Variants in FAAH2 observed in about 807,000 individuals in gnomAD.
FAAH2 encodes fatty acid amide hydrolase 2.
FAAH2 carries 60 observed loss-of-function variants against 36.9 expected under a neutral mutation model. That is an observed-to-expected ratio of 1.63 (90% CI 1.32 to 2.02). The LOEUF (loss-of-function observed/expected upper bound fraction) is 2.02. FAAH2 is among the 30% of genes most tolerant of loss of function. FAAH2 has a pLI of 0.00. For missense variants in FAAH2, 689 were observed against 397.5 expected (o/e 1.73, Z -6.23); for synonymous variants, 214 against 143.8 (o/e 1.49, Z -3.49).
intron 7 of FAAH2, among the ~76,000 whole-genome samples, chrX:57,398,090 C>T (rs761025078): frequency 3.6e-5 from 4 of 111,562 alleles, no homozygotes; most frequent in Non-Finnish European, 7.5e-5. Flanking sequence ...GTTCTTAATC[C>T]AGTCTATCAA....
chrX:57,394,457 G>A lies in FAAH2; in HGVS notation c.996+13428G>A. On this transcript the variant is annotated intron_variant, in intron 7 of 10. Coordinates refer to ENST00000374900, the MANE Select transcript of FAAH2 (RefSeq NM_174912.4). ...AATTACTCAAGCCAGCTTACCAATG[G>A]GCTTCGGTTTACAAGATCGTGATAT... is the stretch of plus-strand genomic sequence containing the variant. 8 of 1,200,181 alleles carry A rather than the reference G, an allele frequency of 6.7e-6. No homozygotes were observed. In the South Asian group the frequency reaches 1.4e-4, roughly 21 times the overall value.
the FAAH2 span, among the ~76,000 whole-genome samples, chrX:57,216,067 C>A: frequency 9.3e-6 from 1 of 107,934 alleles, no homozygotes; most frequent in East Asian, 2.9e-4. Flanking sequence ...AAATCAGAAA[C>A]GAAAATCCAT....
intron 7 of FAAH2, among the ~76,000 whole-genome samples, chrX:57,404,894 C>T (rs769658140): frequency 5.2e-4 from 58 of 111,985 alleles, no homozygotes; most frequent in African/African-American, 1.7e-3. Context: ...CGGCTAATGC[C>T]GGGAGTTCAG....
chrX:57,137,791 A>C, the FAAH2 span, among the ~76,000 whole-genome samples: 3 of 111,622 alleles, frequency 2.7e-5, no homozygotes. Flanking sequence ...GGAAACATAC[A>C]AATTAACATA....
At chrX:57,236,936 A>C in the FAAH2 span, among the ~76,000 whole-genome samples, 2 of 111,624 alleles carry the variant, frequency 1.8e-5, no homozygotes, top group Middle Eastern at 9.4e-3. Flanking sequence ...TGATCAGACT[A>C]ATGTTATGAA....
chrX:57,239,674 A>G, the FAAH2 span, among the ~76,000 whole-genome samples: 1 of 111,430 alleles, frequency 9.0e-6, no homozygotes, highest in Admixed American at 9.5e-5. Flanking sequence ...AGGAATGCCA[A>G]TTCTTTGTAG....
chrX:57,461,809 G>A (rs2147218227), intron 10 of FAAH2, among the ~76,000 whole-genome samples: 1 of 109,986 alleles, frequency 9.1e-6, no homozygotes, highest in African/African-American at 3.3e-5. Context: ...GAGCAGAATT[G>A]AAGGAGATAA....
chrX:57,409,738 C>T (rs5914100), intron 7 of FAAH2, among the ~76,000 whole-genome samples: 58,176 of 109,495 alleles, frequency 0.53, 13,717 homozygotes, highest in Non-Finnish European at 0.73. Flanking sequence ...TATGTTTCCA[C>T]TTGTTATGTC....
rs756826787 is a variant in FAAH2, at chrX:57,341,402, A to G, written c.742+12A>G. ...CAAGCCTTCTCCAGGTAATGTTAAT[A>G]TGATCAGAAGGGTGGTTCTACTTTT... On this transcript the variant is annotated intron_variant, in intron 5 of 10. Coordinates refer to ENST00000374900, the MANE Select transcript of FAAH2 (RefSeq NM_174912.4). The G allele has an allele frequency of 1.7e-6, 2 of 1,205,728 alleles. No homozygotes were observed. The highest frequency in any genetic ancestry group is 2.2e-6 in the Non-Finnish European group (2 of 892,938).
At chrX:57,128,445 T>C in the FAAH2 span, among the ~76,000 whole-genome samples, 1 of 111,643 alleles carries the variant, frequency 9.0e-6, no homozygotes, top group Non-Finnish European at 1.9e-5. Flanking sequence ...CAGCACTCTA[T>C]TCAAAGACAA....
intron 4 of FAAH2, among the ~76,000 whole-genome samples, chrX:57,338,153 G>A (rs1271041599): frequency 3.6e-5 from 4 of 111,568 alleles, no homozygotes; most frequent in Middle Eastern, 4.6e-3. Context: ...GGCTGAGTCT[G>A]AAAAGAGAGT....
chrX:57,314,894 A>G lies in FAAH2; in HGVS notation c.412+4165A>G, dbSNP rs772860511. Among the ~76,000 whole-genome samples the G allele has an allele frequency of 2.4e-4, 27 of 111,320 alleles. No homozygotes were observed. The South Asian group carries it at 9.9e-3, about 41-fold the overall frequency. ...ATGTGAACTACGATAATAAGAAAAA[A>G]TCAATTCCAAAGCCAGCAGAAGAAA... On this transcript the variant is annotated intron_variant, in intron 3 of 10. Coordinates refer to ENST00000374900, the MANE Select transcript of FAAH2 (RefSeq NM_174912.4).
the FAAH2 span, among the ~76,000 whole-genome samples, chrX:57,151,845 A>T: frequency 9.0e-6 from 1 of 110,640 alleles, no homozygotes; most frequent in Non-Finnish European, 1.9e-5. Flanking sequence ...TGCTTTTTAG[A>T]GTTTCCAGTT....
At position 57,448,616 on chromosome X, in the gene FAAH2, G is replaced by A; in HGVS notation, c.1321G>A (p.Asp441Asn). Reference sequence around the variant, plus strand: ...AGAAAGCCTGCGTAAAGAGCTGGTGGATATGCTAGGTGATGATGGTGTGTT... The same window carrying A: ...AGAAAGCCTGCGTAAAGAGCTGGTGAATATGCTAGGTGATGATGGTGTGTT... ...VEESLRKELV[D>N]MLGDDGVFLY... Residue 441 changes from aspartate (D) to asparagine (N), a missense_variant, in exon 10 of 11, where the codon GAT becomes AAT. Transcript: ENST00000374900. 5 of 1,211,305 alleles carry A rather than the reference G, an allele frequency of 4.1e-6. No individual in the cohort carries two copies. The highest frequency in any genetic ancestry group is 2.2e-5 in the Admixed American group (1 of 46,015).
intron 7 of FAAH2, among the ~76,000 whole-genome samples, chrX:57,415,464 G>A (rs1322356371): frequency 9.0e-6 from 1 of 111,602 alleles, no homozygotes; most frequent in Non-Finnish European, 1.9e-5. Context: ...CTTTACTTCT[G>A]CTTTAATTTT....
At chrX:57,471,148 G>T (rs1000843020) in intron 10 of FAAH2, among the ~76,000 whole-genome samples, 2 of 111,444 alleles carry the variant, frequency 1.8e-5, no homozygotes, top group South Asian at 3.8e-4. Flanking sequence ...CATACTGAAT[G>T]AGAAAAAACT....
At chrX:57,392,137 C>T (rs1427624225) in intron 7 of FAAH2, among the ~76,000 whole-genome samples, 1 of 111,491 alleles carries the variant, frequency 9.0e-6, no homozygotes, top group Non-Finnish European at 1.9e-5. Flanking sequence ...TATCGAAATG[C>T]TACTGACTTT....
At chrX:57,396,293 G>T (rs2055294134) in intron 7 of FAAH2, among the ~76,000 whole-genome samples, 1 of 107,600 alleles carries the variant, frequency 9.3e-6, no homozygotes, top group African/African-American at 3.4e-5. Context: ...TTTAATGATT[G>T]TATAATTATT....
At chrX:57,152,044 GCAGCAGTGGCTGCAGAA>G in the FAAH2 span, among the ~76,000 whole-genome samples, 1 of 112,012 alleles carries the variant, frequency 8.9e-6, no homozygotes, top group African/African-American at 3.2e-5. Context: ...CTGGGTATCA[GCAGCAGTGGCTGCAGAA>G]CAGCAGTGGC....
Sources: allele counts gnomAD v4.1 joint callset (sites outside exome capture counted in the v4.1 genomes callset), GRCh38; gene constraint gnomAD v4.1.1; transcripts MANE v1.5; gene names NCBI Gene and HGNC (gene_info 2026-07-23, HGNC 2026-07-21).